Variants in CIITA observed in about 807,000 individuals in gnomAD.
CIITA encodes the protein class II major histocompatibility complex transactivator, also known as MHC class II transactivator.
In CIITA, 72 loss-of-function variants were observed where a neutral mutation model predicts 115.1. That is an observed-to-expected ratio of 0.63 (90% CI 0.52 to 0.76). CIITA has a LOEUF of 0.76. Ranked by LOEUF, CIITA falls within the 30% of genes least tolerant of loss-of-function variation. CIITA has a pLI of 0.00. For missense variants in CIITA, 1,617 were observed against 1,463.8 expected, an observed-to-expected ratio of 1.10 and a Z score of -1.71; for synonymous variants, 763 against 635.6, an observed-to-expected ratio of 1.20 and a Z score of -3.02.
At chr16:10,916,292 G>C in intron 14 of CIITA, 75 bp from the exon 15 acceptor site, 1 of 1,385,224 alleles carries the variant, frequency 7.2e-7, no homozygotes, top group Non-Finnish European at 1.0e-6. Context: ...GGGCTGAGGA[G>C]GCCCTCACTG....
At chr16:10,917,382 C>G (rs2040012712) in intron 15 of CIITA, among the ~76,000 whole-genome samples, 1 of 152,146 alleles carries the variant, frequency 6.6e-6, no homozygotes, top group Non-Finnish European at 1.5e-5. Flanking sequence ...CCACGTTGCC[C>G]AGGCTGGTCT....
Position 10,902,673 on chromosome 16 carries a change from C to T in CIITA, c.644C>T (p.Ser215Phe). ...TDQIPMPFSS[S>F]SLSCLNLPEG... ...TCTCTTGCAGTGCCTTTCTCCAGTT[C>T]CTCGTTGAGCTGCCTGAATCTCCCT... The change falls in exon 8 of 20, where the codon TCC (serine) becomes TTC (phenylalanine). Residue 215 changes from serine to phenylalanine, a missense_variant. Ser to Phe is a radical substitution (Grantham distance 155). Coordinates refer to ENST00000324288, the MANE Select transcript of CIITA (RefSeq NM_000246.4). 1.2e-6 allele frequency: 2 copies of T among 1,614,248 alleles called. No individual in the cohort carries two copies. Among genetic ancestry groups the T allele is most frequent in the South Asian group, 1.1e-5 (1 of 91,080 alleles).
Position 10,903,815 on chromosome 16 carries a change from C to T in CIITA, c.857C>T (p.Ser286Phe). The T allele has an allele frequency of 6.2e-7, 1 of 1,614,212 alleles. No homozygotes were observed. Among genetic ancestry groups the T allele is most frequent in the Non-Finnish European group, 8.5e-7 (1 of 1,180,036 alleles). Reference protein sequence around the residue: ...GLPTSPDRPGSTSPFAPSATD... With the variant: ...GLPTSPDRPGFTSPFAPSATD... ...CCAACATCTCCAGACCGGCCAGGCTCCACCAGCCCCTTCGCTCCATCAGCC... is the reference window on the plus strand; with the variant it reads ...CCAACATCTCCAGACCGGCCAGGCTTCACCAGCCCCTTCGCTCCATCAGCC... The change falls in exon 9 of 20, where the codon TCC becomes TTC. Residue 286 changes from serine to phenylalanine, a missense_variant. By Grantham distance (155) the Ser-to-Phe change is radical. Transcript: ENST00000324288.
Position 10,902,044 on chromosome 16 carries a change from C to G in CIITA, c.488C>G (p.Pro163Arg). The G allele has an allele frequency of 6.2e-7, 1 of 1,614,086 alleles. No individual in the cohort carries two copies. The highest frequency in any genetic ancestry group is 8.5e-7 in the Non-Finnish European group (1 of 1,180,042). The change falls in exon 7 of 20, where the codon CCC becomes CGC. Residue 163 changes from proline to arginine, a missense_variant. Coordinates refer to ENST00000324288, the MANE Select transcript of CIITA (RefSeq NM_000246.4). ...ACAGCCCACTTCCTCACAGCTGAGC[C>G]CCCCACTGTGGTGACTGGCAGTCTC... ...ADLKHWKPAE[P>R]PTVVTGSLLV...
chr16:10,901,938 T>C lies in CIITA; in HGVS notation c.482-100T>C. The stretch of plus-strand genomic sequence containing the variant: ...CAGGGCTGAGAAGATGACAAGCATT[T>C]CCTCTGTCAGGAGAGACATCCATGC... On this transcript the variant is annotated intron_variant, in intron 6 of 19. Transcript: ENST00000324288. This position sits in a 1 kb window ranked among gnomAD's most constrained non-coding sequence, Gnocchi z 6.8. 1 of 1,498,072 alleles carries C rather than the reference T, an allele frequency of 6.7e-7. No individual in the cohort carries two copies. The highest frequency in any genetic ancestry group is 9.2e-7 in the Non-Finnish European group (1 of 1,084,822). 92.8% of individuals were successfully genotyped at this position (1,498,072 alleles called of 1,614,324 possible).
In CIITA at chr16:10,895,397, G is replaced by A; in HGVS notation, c.168G>A (p.Leu56=). 6.2e-7 allele frequency: 1 copy of A among 1,614,026 alleles called. No homozygotes were observed. Among genetic ancestry groups the A allele is most frequent in the Non-Finnish European group, 8.5e-7 (1 of 1,180,026 alleles). The change falls in exon 2 of 20, where the codon CTG becomes CTA. Residue 56 remains leucine (L), a synonymous_variant. Transcript: ENST00000324288. ...ACCACTTCTATGACCAGATGGACCT[G>A]GCTGGAGAAGAAGAGATTGAGCTCT... ...CLYHFYDQMD[L]AGEEEIELYS... is the part of the protein sequence containing the mutation.
intron 1 of CIITA, among the ~76,000 whole-genome samples, chr16:10,878,515 A>AT (rs1489937522): frequency 1.3e-5 from 2 of 152,102 alleles, no homozygotes; most frequent in Non-Finnish European, 2.9e-5. Context: ...TACCTGAGGG[A>AT]TTTTCTCTTC....
chr16:10,898,407 T>C (rs1032199230), intron 3 of CIITA, among the ~76,000 whole-genome samples: 4 of 152,056 alleles, frequency 2.6e-5, no homozygotes, highest in Admixed American at 6.5e-5. Context: ...ACTCAAATCC[T>C]GCAGTAACTC....
In CIITA at chr16:10,901,951, G is replaced by A. The variant is rs967130228; in HGVS notation, c.482-87G>A. 2 of 1,548,406 alleles carry A rather than the reference G, an allele frequency of 1.3e-6. No homozygotes were observed. The highest frequency in any genetic ancestry group is 1.4e-5 in the African/African-American group (1 of 73,624). On this transcript the variant is annotated intron_variant, in intron 6 of 19. Coordinates refer to ENST00000324288, the MANE Select transcript of CIITA (RefSeq NM_000246.4). This position sits in a 1 kb window ranked among gnomAD's most constrained non-coding sequence, Gnocchi z 6.8. ...ATGACAAGCATTTCCTCTGTCAGGAGAGACATCCATGCCACTCCAGGGCCC... is the reference window on the plus strand; with the variant it reads ...ATGACAAGCATTTCCTCTGTCAGGAAAGACATCCATGCCACTCCAGGGCCC...
chr16:10,906,653 G>T lies in CIITA; in HGVS notation c.1161G>T (p.Trp387Cys). ...AGCGGGAACTGGCCACCCCGGACTGGGCAGAACGGCAGCTGGCCCAAGGAG... is the reference window on the plus strand; with the variant it reads ...AGCGGGAACTGGCCACCCCGGACTGTGCAGAACGGCAGCTGGCCCAAGGAG... ...SLERELATPD[W>C]AERQLAQGGL... The change falls in exon 11 of 20, where the codon TGG (tryptophan) becomes TGT (cysteine). Residue 387 changes from tryptophan to cysteine, a missense_variant. Trp to Cys is a radical substitution (Grantham distance 215, BLOSUM62 -2). Coordinates refer to ENST00000324288, the MANE Select transcript of CIITA (RefSeq NM_000246.4). 6.2e-7 allele frequency: 1 copy of T among 1,613,644 alleles called. No individual in the cohort carries two copies. The highest frequency in any genetic ancestry group is 8.5e-7 in the Non-Finnish European group (1 of 1,179,930).
rs374314327 is a variant in CIITA at position 10,907,862 on chromosome 16, G to A, written c.2370G>A (p.Ala790=). The A allele has an allele frequency of 7.6e-5, 123 of 1,610,790 alleles. No homozygotes were observed. Among genetic ancestry groups the A allele is most frequent in the African/African-American group, 1.9e-4 (14 of 74,796 alleles). ...TGGACAGGAAGCAGAAGGTGCTTGCGAGGTACCTGAAGCGGCTGCAGCCGG... is the reference window on the plus strand; with the variant it reads ...TGGACAGGAAGCAGAAGGTGCTTGCAAGGTACCTGAAGCGGCTGCAGCCGG... ...ASVDRKQKVL[A]RYLKRLQPGT... is the part of the protein sequence containing the mutation. The change falls in exon 11 of 20, where the codon GCG becomes GCA. Residue 790 remains alanine (A), a synonymous_variant. Transcript: ENST00000324288. The surrounding 1 kb of genome is among the most constrained non-coding windows in gnomAD (Gnocchi z 5.0).
At chr16:10,895,532 C>G in intron 2 of CIITA, 104 bp downstream of exon 2, 1 of 1,571,376 alleles carries the variant, frequency 6.4e-7, no homozygotes, top group Non-Finnish European at 8.7e-7. Flanking sequence ...CCGTCAGCAC[C>G]ACGGACAGCT....
intron 1 of CIITA, among the ~76,000 whole-genome samples, chr16:10,867,144 T>A (rs1475532742): frequency 6.6e-6 from 1 of 152,008 alleles, no homozygotes; most frequent in Non-Finnish European, 1.5e-5. Flanking sequence ...CTCAGGAGGC[T>A]GAGGCAGGAG....
rs1333594001 is a variant in CIITA at position 10,933,360 on chromosome 16, G to A, written c.*9505G>A. ...GCCCTGGCGTTTTACGCGCACTGGT[G>A]GGTGAGGCTCTGAAAGTGGTAGAAG... is the stretch of plus-strand genomic sequence containing the variant. On this transcript the variant is annotated 3_prime_UTR_variant, in exon 20 of 20. Transcript: ENST00000324288. 1 of 152,368 alleles carries A rather than the reference G, an allele frequency of 6.6e-6. No homozygotes were observed. The highest frequency in any genetic ancestry group is 1.5e-5 in the Non-Finnish European group (1 of 68,150). 9.4% of individuals were successfully genotyped at this position (152,368 alleles called of 1,614,324 possible). A position where few individuals can be genotyped will look rare whatever the true frequency, so the allele number is the denominator to read the frequency against.
chr16:10,918,531 G>C lies in CIITA; in HGVS notation c.3149+5G>C. ...TGCATCCCTGCTCAGGCTAAGGTGA[G>C]TGGGGCCCCGGATACCGGTCAGGTG... On this transcript the variant is annotated splice_donor_5th_base_variant and intron_variant, in intron 16 of 19. Coordinates refer to ENST00000324288, the MANE Select transcript of CIITA (RefSeq NM_000246.4). 6.2e-7 allele frequency: 1 copy of C among 1,613,878 alleles called. No homozygotes were observed. Among genetic ancestry groups the C allele is most frequent in the Non-Finnish European group, 8.5e-7 (1 of 1,179,950 alleles).
chr16:10,900,970 C>T (rs2038685926), intron 5 of CIITA, among the ~76,000 whole-genome samples: 1 of 152,134 alleles, frequency 6.6e-6, no homozygotes, highest in Non-Finnish European at 1.5e-5. Flanking sequence ...TTACACTCCC[C>T]TCGTGTACTT....
chr16:10,912,100 T>A (rs1037312394), intron 13 of CIITA, among the ~76,000 whole-genome samples: 1 of 152,178 alleles, frequency 6.6e-6, no homozygotes, highest in Non-Finnish European at 1.5e-5. Flanking sequence ...GGAGTTGTTA[T>A]GCCTGTGGTA....
intron 13 of CIITA, chr16:10,914,975 A>T (rs975141975): frequency 2.3e-6 from 1 of 443,908 alleles, no homozygotes; most frequent in Non-Finnish European, 4.5e-6. Context: ...GAAGAGTAAG[A>T]ACTGGCTCCC....
chr16:10,913,082 C>A (rs1394573906), intron 13 of CIITA, among the ~76,000 whole-genome samples: 1 of 152,222 alleles, frequency 6.6e-6, no homozygotes, highest in Non-Finnish European at 1.5e-5. Context: ...ATTCCAGCCA[C>A]AGGGCCTCCT....
Sources: allele counts gnomAD v4.1 joint callset (sites outside exome capture counted in the v4.1 genomes callset), GRCh38; gene constraint gnomAD v4.1.1; non-coding constraint Gnocchi (gnomAD v3.1); transcripts MANE v1.5; gene names NCBI Gene and HGNC (gene_info 2026-07-23, HGNC 2026-07-21).